GSN: variants seen among roughly 807,000 people sequenced by gnomAD.
GSN encodes the protein actin-depolymerizing factor.
GSN carries 56 observed loss-of-function variants against 85.7 expected under a neutral mutation model. The ratio of observed to expected loss-of-function variants is 0.65; its 90% CI spans 0.53 to 0.82. The LOEUF (loss-of-function observed/expected upper bound fraction) is 0.82. GSN is among the 40% of genes least tolerant of loss of function. GSN has a pLI of 0.00. For synonymous variants in GSN, 373 were observed against 399.1 expected (o/e 0.93, Z 0.78); for missense variants, 857 against 979.8 (o/e 0.87, Z 1.67).
At chr9:121,226,232 C>G (rs2054270461) in intron 4 of GSN, among the ~76,000 whole-genome samples, 1 of 152,262 alleles carries the variant, frequency 6.6e-6, no homozygotes, top group Admixed American at 6.5e-5. Context: ...ATGCTGGATA[C>G]TGCGCAGGTG....
intron 6 of GSN, among the ~76,000 whole-genome samples, chr9:121,248,797 G>A (rs190453907): frequency 2.4e-3 from 304 of 125,268 alleles, no homozygotes; most frequent in Non-Finnish European, 4.4e-3. Flanking sequence ...GGGTGGGCAG[G>A]GGAGAAGCCC....
At chr9:121,270,275 C>T (rs191035268) in intron 1 of GSN, among the ~76,000 whole-genome samples, 2 of 152,302 alleles carry the variant, frequency 1.3e-5, no homozygotes, top group East Asian at 3.9e-4. Flanking sequence ...GGACCTCATC[C>T]TGAAGGCAAT....
Position 121,317,108 on chromosome 9 carries a change from T to C in GSN, c.776T>C (p.Met259Thr), listed in dbSNP as rs770943559. The C allele has an allele frequency of 1.9e-6, 3 of 1,614,176 alleles. No homozygotes were observed. Among genetic ancestry groups the C allele is most frequent in the East Asian group, 2.2e-5 (1 of 44,874 alleles). Residue 259 changes from methionine (M) to threonine (T), a missense_variant, in exon 8 of 18, where the codon ATG (methionine) becomes ACG (threonine). By Grantham distance (81) the Met-to-Thr change is moderately conservative. Coordinates refer to ENST00000432226, the MANE Select transcript of GSN (RefSeq NM_198252.3). ...LYKVSNGAGT[M>T]SVSLVADENP... is the part of the protein sequence containing the mutation. Reference sequence around the variant, plus strand: ...CAGGTCTCCAATGGTGCAGGGACCATGTCCGTCTCCCTCGTGGCTGATGAG... The same window carrying C: ...CAGGTCTCCAATGGTGCAGGGACCACGTCCGTCTCCCTCGTGGCTGATGAG...
Position 121,321,511 on chromosome 9 carries a change from G to T in GSN, c.1325+110G>T, listed in dbSNP as rs1329557288. On this transcript the variant is annotated intron_variant, in intron 11 of 17. Transcript: ENST00000432226. ...GCCTGAGGTGGGACCACCACTCCCTGCTGGGAGAGGCTTTTGTCCACAGGG... is the reference window on the plus strand; with the variant it reads ...GCCTGAGGTGGGACCACCACTCCCTTCTGGGAGAGGCTTTTGTCCACAGGG... The T allele has an allele frequency of 5.1e-6, 5 of 986,786 alleles. No homozygotes were observed. The East Asian group carries it at 7.3e-5, about 14-fold the overall frequency. 61.1% of individuals were successfully genotyped at this position (986,786 alleles called of 1,614,324 possible).
upstream of GSN, among the ~76,000 whole-genome samples, chr9:121,267,242 C>T (rs2055255610): frequency 1.3e-5 from 2 of 152,222 alleles, no homozygotes; most frequent in African/African-American, 4.8e-5. Flanking sequence ...GCATTATAAA[C>T]GGCTATCGTC....
intron 10 of GSN, among the ~76,000 whole-genome samples, chr9:121,319,618 C>T (rs1015932165): frequency 4.6e-5 from 7 of 151,820 alleles, no homozygotes; most frequent in Non-Finnish European, 7.4e-5. Context: ...CCACTGCGCC[C>T]GGCCACCTGC....
chr9:121,285,931 A>C (rs1364061803), intron 2 of GSN: 1 of 168,092 alleles, frequency 5.9e-6, no homozygotes, highest in Non-Finnish European at 1.2e-5. Context: ...TTAAGGAAGC[A>C]AAGTGGAGTG....
intron 5 of GSN, among the ~76,000 whole-genome samples, chr9:121,234,736 C>T (rs1350374547): frequency 6.6e-6 from 1 of 152,194 alleles, no homozygotes; most frequent in East Asian, 1.9e-4. Flanking sequence ...GTAATCCGAG[C>T]ACTTTGGGAG....
chr9:121,329,440 C>G lies in GSN; in HGVS notation c.1965+125C>G. ...GTGCCAGGTGTTGCCAGAAAAGTCT[C>G]TAAGGGTACTGGAAGTCACTTCTTC... is the stretch of plus-strand genomic sequence containing the variant. On this transcript the variant is annotated intron_variant, in intron 16 of 17. Coordinates refer to ENST00000432226, the MANE Select transcript of GSN (RefSeq NM_198252.3). This position sits in a 1 kb window ranked among gnomAD's most constrained non-coding sequence, Gnocchi z 4.6. The G allele has an allele frequency of 4.2e-6, 3 of 721,158 alleles. No individual in the cohort carries two copies. Among genetic ancestry groups the G allele is most frequent in the Admixed American group, 2.0e-5 (1 of 50,798 alleles). 44.7% of individuals were successfully genotyped at this position (721,158 alleles called of 1,614,324 possible).
chr9:121,275,815 G>C (rs560580124), intron 1 of GSN, among the ~76,000 whole-genome samples: 4 of 152,146 alleles, frequency 2.6e-5, no homozygotes, highest in South Asian at 2.1e-4. Context: ...ATGCACTAAG[G>C]CTTCATCTTT....
intron 11 of GSN, among the ~76,000 whole-genome samples, chr9:121,323,063 C>T (rs1032801974): frequency 6.6e-6 from 1 of 152,114 alleles, no homozygotes; most frequent in East Asian, 1.9e-4. Flanking sequence ...TCGAACTCCT[C>T]TAAGCGATCT....
intron 2 of GSN, among the ~76,000 whole-genome samples, chr9:121,287,851 C>T (rs2058305074): frequency 6.6e-6 from 1 of 152,114 alleles, no homozygotes; most frequent in African/African-American, 2.4e-5. Flanking sequence ...AGAAGATTTT[C>T]ATCATCCCCA....
At chr9:121,215,612 T>C (rs1375868919) in intron 4 of GSN, among the ~76,000 whole-genome samples, 1 of 151,738 alleles carries the variant, frequency 6.6e-6, no homozygotes, top group Non-Finnish European at 1.5e-5. Flanking sequence ...AAGAATTGCT[T>C]GAACTCAGGA....
the GSN span, chr9:121,201,915 C>G: frequency 6.5e-6 from 1 of 152,840 alleles, no homozygotes; most frequent in Non-Finnish European, 1.5e-5. Context: ...CGCAATGGGC[C>G]GGACCACAAA....
At chr9:121,283,952 G>A (rs1242768796) in intron 2 of GSN, 1 of 167,486 alleles carries the variant, frequency 6.0e-6, no homozygotes, top group Non-Finnish European at 1.5e-5. Context: ...GGGAGAGGGA[G>A]GTGGCTGAGT....
intron 4 of GSN, chr9:121,310,385 T>C: frequency 2.3e-6 from 1 of 432,554 alleles, no homozygotes; most frequent in Non-Finnish European, 4.3e-6. Context: ...TCCTTGTTAG[T>C]GGAGTATGGG....
intron 1 of GSN, chr9:121,281,254 T>A (rs1426594118): frequency 1.3e-5 from 3 of 236,316 alleles, no homozygotes; most frequent in Non-Finnish European, 2.5e-5. Flanking sequence ...GAGATTTTAG[T>A]GCATCCTTAG....
intron 2 of GSN, among the ~76,000 whole-genome samples, chr9:121,286,946 A>G (rs1350003588): frequency 6.6e-6 from 1 of 152,176 alleles, no homozygotes; most frequent in Non-Finnish European, 1.5e-5. Flanking sequence ...ATGCTTATAA[A>G]GTACTTATCA....
intron 4 of GSN, chr9:121,309,234 A>G (rs2060793667): frequency 6.6e-6 from 1 of 152,338 alleles, no homozygotes; most frequent in Non-Finnish European, 1.5e-5. Context: ...ACTCTGGGGC[A>G]TGGAGCTGGG....
Sources: allele counts gnomAD v4.1 joint callset (sites outside exome capture counted in the v4.1 genomes callset), GRCh38; gene constraint gnomAD v4.1.1; non-coding constraint Gnocchi (gnomAD v3.1); transcripts MANE v1.5; gene names NCBI Gene and HGNC (gene_info 2026-07-23, HGNC 2026-07-21).